FANCD2: variants seen among roughly 807,000 people sequenced by gnomAD.
FANCD2 encodes Fanconi anemia group D2 protein.
A neutral mutation model predicts 192.3 loss-of-function variants in FANCD2; 131 were observed. The observed-to-expected ratio is 0.68, with a 90% CI of 0.59 to 0.79. The LOEUF is 0.79. Ranked by LOEUF, FANCD2 falls within the 30% of genes least tolerant of loss-of-function variation. FANCD2 has a pLI of 0.00. For synonymous variants in FANCD2, 524 were observed against 612.5 expected (o/e 0.86, Z 2.13); for missense variants, 1,508 against 1,701.6 (o/e 0.89, Z 2.00).
intron 18 of FANCD2, among the ~76,000 whole-genome samples, chr3:10,057,040 G>A (rs1389392817): frequency 6.6e-6 from 1 of 152,040 alleles, no homozygotes; most frequent in Non-Finnish European, 1.5e-5. Context: ...AATTTTGGTA[G>A]ACATTATGTT....
At chr3:10,027,153 T>A (rs1320592567) in intron 1 of FANCD2, among the ~76,000 whole-genome samples, 1 of 152,200 alleles carries the variant, frequency 6.6e-6, no homozygotes. Context: ...TCTCAGAAAT[T>A]TTCCTTATGC....
intron 3 of FANCD2, among the ~76,000 whole-genome samples, chr3:10,033,638 C>G (rs1461408221): frequency 1.3e-5 from 2 of 148,624 alleles, no homozygotes; most frequent in Admixed American, 1.3e-4. Context: ...TTCTATCTTG[C>G]TAAGGTTATG....
Position 10,052,467 on chromosome 3 carries a change from C to T in FANCD2, c.1626C>T (p.Ser542=). The T allele has an allele frequency of 6.2e-7, 1 of 1,611,976 alleles. No homozygotes were observed. Among genetic ancestry groups the T allele is most frequent in the Non-Finnish European group, 8.5e-7 (1 of 1,179,614 alleles). The change falls in exon 18 of 44, where the codon AGC becomes AGT. Residue 542 remains serine, a synonymous_variant. Transcript: ENST00000675286. ...LFYVLSTLAF[S]KQNEASSHIQ... ...ATGTTCTCAGCACACTGGCATTTAG[C>T]AAACAGAATGAAGCCAGCAGCCACA...
chr3:10,054,467 ATATATATTTTTTT>A (rs2087339633), intron 18 of FANCD2, among the ~76,000 whole-genome samples: 1 of 25,030 alleles, frequency 4.0e-5, no homozygotes, highest in African/African-American at 1.9e-4. Flanking sequence ...ATATATATAT[ATATATATTTTTTT>A]TTTTTTTTTT....
intron 17 of FANCD2, among the ~76,000 whole-genome samples, chr3:10,051,685 G>C (rs1360151713): frequency 6.6e-6 from 1 of 152,284 alleles, no homozygotes; most frequent in African/African-American, 2.4e-5. Context: ...GTTTGAGATT[G>C]CTTGTAGGCT....
chr3:10,058,099 A>G (rs2087465737), intron 18 of FANCD2: 3 of 494,000 alleles, frequency 6.1e-6, no homozygotes, highest in South Asian at 5.5e-5. Context: ...CCATCAGTGT[A>G]TCCTCTCCCC....
Position 10,067,308 on chromosome 3 carries a change from T to A in FANCD2, c.2485T>A (p.Tyr829Asn). The A allele has an allele frequency of 6.2e-7, 1 of 1,606,092 alleles. No individual in the cohort carries two copies. The highest frequency in any genetic ancestry group is 8.5e-7 in the Non-Finnish European group (1 of 1,173,062). ...AGAATTGCAAATAATCCTGGAAAAG[T>A]ACTTGGCAGGTAAGAGAAGTGTCCT... ...IVELQIILEK[Y>N]LAVTPDYVPP... Residue 829 changes from tyrosine (Y) to asparagine (N), a missense_variant, in exon 26 of 44, where the codon TAC (tyrosine) becomes AAC (asparagine). Physicochemically the swap from Tyr to Asn is moderately radical, Grantham distance 143. Around this residue, in one of 5 missense-constraint regions of FANCD2, gnomAD observed 796 missense variants for 879.4 expected, o/e 0.91. Coordinates refer to ENST00000675286, the MANE Select transcript of FANCD2 (RefSeq NM_001018115.3).
At chr3:10,054,345 A>G (rs878858827) in intron 18 of FANCD2, among the ~76,000 whole-genome samples, 1 of 131,642 alleles carries the variant, frequency 7.6e-6, no homozygotes, top group Non-Finnish European at 1.5e-5. Flanking sequence ...GCATATATAT[A>G]TATATACGTA....
intron 25 of FANCD2, among the ~76,000 whole-genome samples, chr3:10,066,336 G>A (rs1361751545): frequency 6.6e-6 from 1 of 152,148 alleles, no homozygotes; most frequent in Non-Finnish European, 1.5e-5. Flanking sequence ...TTTGTGTTTG[G>A]TGATAATGAC....
intron 15 of FANCD2, 93 bp from the exon 16 acceptor site, chr3:10,047,824 A>G: frequency 6.8e-7 from 1 of 1,461,966 alleles, no homozygotes. Flanking sequence ...TAGGGAGGAG[A>G]AGTCTGACAT....
chr3:10,046,800 C>G, intron 15 of FANCD2, 77 bp downstream of exon 15: 5 of 1,197,676 alleles, frequency 4.2e-6, no homozygotes, highest in Admixed American at 1.8e-5. Flanking sequence ...CATCTTATTT[C>G]AGTCCATTGT....
intron 23 of FANCD2, 44 bp from the exon 24 acceptor site, chr3:10,065,350 T>C (rs1366064986): frequency 8.0e-7 from 1 of 1,252,280 alleles, no homozygotes; most frequent in Non-Finnish European, 1.2e-6. Flanking sequence ...CGTGGAGTAA[T>C]ACACCTATGA....
intron 1 of FANCD2, among the ~76,000 whole-genome samples, chr3:10,027,177 G>T (rs1383131447): frequency 6.6e-6 from 1 of 152,122 alleles, no homozygotes; most frequent in Non-Finnish European, 1.5e-5. Context: ...TAACTATGCT[G>T]GGCATTAGGG....
At chr3:10,077,295 G>A (rs985350782) in intron 29 of FANCD2, among the ~76,000 whole-genome samples, 3 of 151,392 alleles carry the variant, frequency 2.0e-5, no homozygotes, top group African/African-American at 7.4e-5. Flanking sequence ...AGTGGCTCAC[G>A]CCTCTAATCA....
chr3:10,052,046 G>T (rs914895829), intron 17 of FANCD2, among the ~76,000 whole-genome samples: 1 of 152,148 alleles, frequency 6.6e-6, no homozygotes, highest in Non-Finnish European at 1.5e-5. Context: ...GAACTGGGAG[G>T]TGCATTAGAA....
At chr3:10,072,693 T>A (rs1244116700) in intron 26 of FANCD2, among the ~76,000 whole-genome samples, 178 bp from the exon 27 acceptor site, 1 of 152,268 alleles carries the variant, frequency 6.6e-6, no homozygotes, top group African/African-American at 2.4e-5. Flanking sequence ...TTCTGTGTTA[T>A]CTCTGGCCAT....
At chr3:10,050,548 A>G (rs960305642) in intron 17 of FANCD2, among the ~76,000 whole-genome samples, 10 of 148,278 alleles carry the variant, frequency 6.7e-5, no homozygotes, top group East Asian at 2.0e-4. Flanking sequence ...GCGTGAACCC[A>G]GGAGGCGGAG....
intron 28 of FANCD2, 132 bp downstream of exon 28, chr3:10,073,494 G>A: frequency 2.6e-6 from 2 of 784,256 alleles, no homozygotes; most frequent in Non-Finnish European, 4.6e-6. Flanking sequence ...CTTAGGCGTT[G>A]GAGTAATCTC....
intron 26 of FANCD2, among the ~76,000 whole-genome samples, chr3:10,071,536 A>G (rs771220579): frequency 1.2e-4 from 18 of 152,232 alleles, no homozygotes; most frequent in Non-Finnish European, 1.5e-5. Context: ...GTTGTTTGCA[A>G]CAATACAGAT....
Sources: allele counts gnomAD v4.1 joint callset (sites outside exome capture counted in the v4.1 genomes callset), GRCh38; gene constraint gnomAD v4.1.1; regional missense constraint gnomAD v4.1.1; transcripts MANE v1.5; gene names NCBI Gene and HGNC (gene_info 2026-07-23, HGNC 2026-07-21).